Variants in STXBP5L observed in about 807,000 individuals in gnomAD.
STXBP5L encodes syntaxin-binding protein 5-like.
STXBP5L carries 65 observed loss-of-function variants against 144.5 expected under a neutral mutation model. The ratio of observed to expected loss-of-function variants is 0.45; its 90% CI spans 0.37 to 0.55. The LOEUF is 0.55. Among genes scored for constraint, STXBP5L ranks in the 20% least tolerant of loss-of-function variants. STXBP5L has a pLI of 0.00. For missense variants in STXBP5L, 1,298 were observed against 1,405.5 expected (o/e 0.92, Z 1.22); for synonymous variants, 505 against 469.6 (o/e 1.08, Z -0.97).
intron 3 of STXBP5L, among the ~76,000 whole-genome samples, chr3:120,986,088 G>GTT (rs1942261626): frequency 6.6e-6 from 1 of 151,686 alleles, no homozygotes; most frequent in East Asian, 1.9e-4. Flanking sequence ...GTTTTGGTAT[G>GTT]TTTTCATTTT....
chr3:121,100,153 G>C (rs1202941001), intron 5 of STXBP5L, among the ~76,000 whole-genome samples: 2 of 152,118 alleles, frequency 1.3e-5, no homozygotes, highest in African/African-American at 4.8e-5. Flanking sequence ...TAAGAGTGAG[G>C]TCTTTAAAAC....
chr3:121,302,844 C>G (rs1336403578), intron 19 of STXBP5L, among the ~76,000 whole-genome samples: 1 of 152,166 alleles, frequency 6.6e-6, no homozygotes, highest in Non-Finnish European at 1.5e-5. Flanking sequence ...AAAGCTGAAA[C>G]TGGATCCCTT....
At chr3:121,240,417 T>G (rs1376705043) in intron 13 of STXBP5L, 23 bp from the exon 14 acceptor site, 1 of 1,609,056 alleles carries the variant, frequency 6.2e-7, no homozygotes, top group East Asian at 2.2e-5. Flanking sequence ...TGTATATATA[T>G]TCTTTCTGGA....
At chr3:121,141,821 G>T (rs1559791873) in intron 7 of STXBP5L, among the ~76,000 whole-genome samples, 1 of 151,778 alleles carries the variant, frequency 6.6e-6, no homozygotes, top group East Asian at 1.9e-4. Context: ...CATAAAGGAA[G>T]ACAGCAAGAG....
intron 2 of STXBP5L, among the ~76,000 whole-genome samples, chr3:120,949,835 T>A (rs922797135): frequency 5.3e-5 from 8 of 152,160 alleles, no homozygotes; most frequent in Non-Finnish European, 8.8e-5. Context: ...TGTAGTATAG[T>A]TTGAAGTCAG....
chr3:121,413,891 G>T (rs1308275678), intron 24 of STXBP5L, among the ~76,000 whole-genome samples: 1 of 152,058 alleles, frequency 6.6e-6, no homozygotes, highest in African/African-American at 2.4e-5. Context: ...TTACAAATAA[G>T]AAAACTAAAA....
chr3:120,990,639 C>A (rs1203120834), intron 3 of STXBP5L, among the ~76,000 whole-genome samples: 1 of 152,006 alleles, frequency 6.6e-6, no homozygotes, highest in East Asian at 1.9e-4. Flanking sequence ...GAGATATAGA[C>A]CAATGGAACA....
chr3:120,932,616 A>G (rs551431961), intron 2 of STXBP5L, among the ~76,000 whole-genome samples: 17 of 152,236 alleles, frequency 1.1e-4, no homozygotes, highest in Admixed American at 3.3e-4. Flanking sequence ...AAACTAGTTC[A>G]ACCATTGTGG....
At chr3:121,233,043 T>G (rs2049357489) in intron 11 of STXBP5L, among the ~76,000 whole-genome samples, 1 of 152,192 alleles carries the variant, frequency 6.6e-6, no homozygotes, top group Non-Finnish European at 1.5e-5. Flanking sequence ...TTACGTGGCC[T>G]TCAATCTGGG....
chr3:121,349,957 C>A (rs1373519072), intron 20 of STXBP5L, among the ~76,000 whole-genome samples: 1 of 152,082 alleles, frequency 6.6e-6, no homozygotes, highest in Admixed American at 6.6e-5. Context: ...AGCCCATTTA[C>A]ATTTAAGGTT....
chr3:120,950,047 A>G (rs1481137464), intron 2 of STXBP5L, among the ~76,000 whole-genome samples: 1 of 152,072 alleles, frequency 6.6e-6, no homozygotes. Context: ...AACCATAAAC[A>G]TTTATAATTT....
At chr3:121,014,620 A>T (rs1020900280) in intron 3 of STXBP5L, among the ~76,000 whole-genome samples, 1 of 151,948 alleles carries the variant, frequency 6.6e-6, no homozygotes, top group Non-Finnish European at 1.5e-5. Flanking sequence ...TAGGTGTCTT[A>T]TGGCAAATAT....
Position 121,322,391 on chromosome 3 carries a change from T to A in STXBP5L, c.2176+3851T>A, listed in dbSNP as rs1019533668. On this transcript the variant is annotated intron_variant, in intron 20 of 26. Coordinates refer to ENST00000471454, the MANE Select transcript of STXBP5L (RefSeq NM_001308330.2). ...TACTAGGGAGGCTGAGGCAGGAGAATCACTTGAACCCAAGAGGCGGAGGTT... is the reference window on the plus strand; with the variant it reads ...TACTAGGGAGGCTGAGGCAGGAGAAACACTTGAACCCAAGAGGCGGAGGTT... Among the ~76,000 whole-genome samples, 7 of 148,964 alleles carry A rather than the reference T, an allele frequency of 4.7e-5. 1 individual carries two copies. In the Admixed American group the frequency reaches 4.8e-4, roughly 10 times the overall value.
intron 20 of STXBP5L, among the ~76,000 whole-genome samples, chr3:121,322,147 A>G (rs1385683531): frequency 6.6e-6 from 1 of 152,184 alleles, no homozygotes; most frequent in Non-Finnish European, 1.5e-5. Context: ...TGCTTAGGGT[A>G]ATGACTTCCA....
intron 22 of STXBP5L, among the ~76,000 whole-genome samples, chr3:121,398,944 A>G (rs2046803011): frequency 6.6e-6 from 1 of 152,082 alleles, no homozygotes; most frequent in African/African-American, 2.4e-5. Flanking sequence ...CGCTCGAGGC[A>G]CTGCTCGAAC....
intron 3 of STXBP5L, among the ~76,000 whole-genome samples, chr3:120,994,558 G>T (rs961193261): frequency 6.6e-6 from 1 of 151,954 alleles, no homozygotes; most frequent in African/African-American, 2.4e-5. Context: ...TATGATTTGT[G>T]TCCTTATTTT....
At chr3:120,982,591 A>G (rs903850136) in intron 3 of STXBP5L, among the ~76,000 whole-genome samples, 7 of 152,128 alleles carry the variant, frequency 4.6e-5, no homozygotes, top group Non-Finnish European at 8.8e-5. Context: ...TTCCTGTCCT[A>G]TGGCTCTCTG....
At position 121,407,302 on chromosome 3, in the gene STXBP5L, G is replaced by A. The variant is rs980739131; in HGVS notation, c.2647G>A (p.Gly883Arg). 5.6e-6 allele frequency: 9 copies of A among 1,610,986 alleles called. No homozygotes were observed. In the Admixed American group the frequency reaches 6.7e-5, roughly 12 times the overall value. ...LTFSCMDRMGGLMQPPYEVWR... is the reference protein window; with the variant it reads ...LTFSCMDRMGRLMQPPYEVWR... Reference sequence around the variant, plus strand: ...ATTCTCCTGTATGGACCGAATGGGTGGATTAATGCAACCGCCATATGAAGT... The same window carrying A: ...ATTCTCCTGTATGGACCGAATGGGTAGATTAATGCAACCGCCATATGAAGT... Residue 883 changes from glycine (G) to arginine (R), a missense_variant, in exon 23 of 27, where the codon GGA becomes AGA. Coordinates refer to ENST00000471454, the MANE Select transcript of STXBP5L (RefSeq NM_001308330.2).
chr3:120,915,438 C>A (rs1194382160), intron 2 of STXBP5L, among the ~76,000 whole-genome samples: 1 of 152,040 alleles, frequency 6.6e-6, no homozygotes, highest in Admixed American at 6.6e-5. Context: ...TGACTATATC[C>A]ATTAAAAGTA....
Sources: gnomAD v4.1 joint callset for allele counts (sites outside exome capture counted in the v4.1 genomes callset) on GRCh38, gnomAD v4.1.1 for gene constraint, MANE v1.5 for transcripts, NCBI Gene and HGNC (gene_info 2026-07-23, HGNC 2026-07-21) for gene names.